Variants in ZNF676 observed in about 807,000 individuals in gnomAD.
ZNF676 encodes the protein zinc finger protein 676.
ZNF676 carries 4 observed loss-of-function variants against 6.0 expected under a neutral mutation model. That is an observed-to-expected ratio of 0.67 (90% confidence interval 0.33 to 1.53). The LOEUF (loss-of-function observed/expected upper bound fraction) is 1.53, where lower values mean the gene tolerates loss of function less well. Ranked by LOEUF, ZNF676 falls within the 40% of genes most tolerant of loss-of-function variation. The pLI is 0.06. For missense variants in ZNF676, 644 were observed against 679.7 expected, an observed-to-expected ratio of 0.95 and a Z score of 0.58; for synonymous variants, 198 against 223.1, an observed-to-expected ratio of 0.89 and a Z score of 1.00.
At chr19:22,197,018 T>C (rs1034321152), upstream of ZNF676, 1 of 302,116 alleles carries the variant, frequency 3.3e-6, no homozygotes, top group Non-Finnish European at 6.2e-6. Flanking sequence ...TTGAGTGCTA[T>C]ATTTACATCA....
At chr19:22,202,773 C>T (rs1350043721) in intron 1 of ZNF676, among the ~76,000 whole-genome samples, 1 of 152,166 alleles carries the variant, frequency 6.6e-6, no homozygotes, top group Non-Finnish European at 1.5e-5. Context: ...GCTGGGAAGG[C>T]CATCCCTGTA....
chr19:22,236,495 C>T, the ZNF676 span, among the ~76,000 whole-genome samples: 3 of 152,272 alleles, frequency 2.0e-5, no homozygotes, highest in African/African-American at 7.2e-5. Flanking sequence ...ATTTCCCTTT[C>T]CCCAATGCAC....
the ZNF676 span, among the ~76,000 whole-genome samples, chr19:22,232,231 G>A: frequency 6.6e-6 from 1 of 151,546 alleles, no homozygotes; most frequent in African/African-American, 2.4e-5. Context: ...GCAGTGGTGT[G>A]ATCTTGGCTC....
the ZNF676 span, among the ~76,000 whole-genome samples, chr19:22,256,790 C>T: frequency 1.4e-4 from 22 of 152,192 alleles, no homozygotes; most frequent in African/African-American, 5.1e-4. Context: ...AGAAGAGGCA[C>T]ATCACCTAGG....
At chr19:22,212,862 G>C (rs147842929) in intron 1 of ZNF676, among the ~76,000 whole-genome samples, 15 of 152,040 alleles carry the variant, frequency 9.9e-5, no homozygotes, top group African/African-American at 3.4e-4. Context: ...AGGCATGTGG[G>C]TGCACGCCTG....
chr19:22,212,385 A>C (rs1469083013), intron 1 of ZNF676, among the ~76,000 whole-genome samples: 1 of 151,820 alleles, frequency 6.6e-6, no homozygotes, highest in Non-Finnish European at 1.5e-5. Flanking sequence ...AGCCCTACTA[A>C]TAAGATGCAA....
At chr19:22,245,750 C>T in the ZNF676 span, among the ~76,000 whole-genome samples, 1 of 152,136 alleles carries the variant, frequency 6.6e-6, no homozygotes, top group African/African-American at 2.4e-5. Flanking sequence ...CTCCTGTGGG[C>T]AGAGTCCATT....
At chr19:22,243,515 G>A in the ZNF676 span, 1 of 152,016 alleles carries the variant, frequency 6.6e-6, no homozygotes, top group East Asian at 1.9e-4. Flanking sequence ...AGGCCAGAGA[G>A]TTACATCACC....
the ZNF676 span, among the ~76,000 whole-genome samples, chr19:22,251,951 T>C: frequency 6.6e-6 from 1 of 152,218 alleles, no homozygotes; most frequent in Non-Finnish European, 1.5e-5. Flanking sequence ...TTATTTTACT[T>C]TACTGTTGTG....
At chr19:22,182,593 A>AAAAAAC (rs1555773386) in intron 2 of ZNF676, among the ~76,000 whole-genome samples, 1 of 90,930 alleles carries the variant, frequency 1.1e-5, no homozygotes, top group African/African-American at 4.5e-5. Flanking sequence ...TCTAAAAAAA[A>AAAAAAC]AAAAAAAAAG....
upstream of ZNF676, among the ~76,000 whole-genome samples, chr19:22,216,176 T>C (rs1247843701): frequency 6.6e-6 from 1 of 152,254 alleles, no homozygotes; most frequent in Non-Finnish European, 1.5e-5. Flanking sequence ...GGCTTACGCC[T>C]TTAATCCCAT....
chr19:22,205,616 A>G (rs1217814870), intron 1 of ZNF676, among the ~76,000 whole-genome samples: 1 of 152,186 alleles, frequency 6.6e-6, no homozygotes, highest in Non-Finnish European at 1.5e-5. Flanking sequence ...ACAAATAAGA[A>G]CAAAAATACA....
chr19:22,206,056 A>AACACAC (rs71180523), intron 1 of ZNF676, among the ~76,000 whole-genome samples: 73 of 146,668 alleles, frequency 5.0e-4, no homozygotes, highest in East Asian at 1.8e-3. Flanking sequence ...CCCAAAACTC[A>AACACAC]ACACACACAC....
At chr19:22,213,474 A>G (rs1326229393) in intron 1 of ZNF676, among the ~76,000 whole-genome samples, 5 of 152,194 alleles carry the variant, frequency 3.3e-5, no homozygotes, top group African/African-American at 1.2e-4. Flanking sequence ...AAAACAGGGC[A>G]CCAGTAGATG....
At chr19:22,246,255 T>A in the ZNF676 span, among the ~76,000 whole-genome samples, 88 of 152,242 alleles carry the variant, frequency 5.8e-4, no homozygotes, top group East Asian at 2.1e-3. Flanking sequence ...TTAGACCCAG[T>A]TATTTGTCAC....
At chr19:22,248,372 A>G in the ZNF676 span, among the ~76,000 whole-genome samples, 2 of 152,358 alleles carry the variant, frequency 1.3e-5, no homozygotes, top group East Asian at 1.9e-4. Flanking sequence ...ACAGTGTAAA[A>G]GTGTTCCTAT....
intron 1 of ZNF676, among the ~76,000 whole-genome samples, chr19:22,195,783 A>C (rs571577890): frequency 6.7e-4 from 102 of 152,296 alleles, no homozygotes; most frequent in Admixed American, 7.8e-4. Context: ...TATCCATGGG[A>C]CCTTGTGAAA....
upstream of ZNF676, among the ~76,000 whole-genome samples, chr19:22,197,403 T>C (rs761173567): frequency 6.6e-6 from 1 of 152,034 alleles, no homozygotes; most frequent in South Asian, 2.1e-4. Context: ...AATAGACATG[T>C]TGAGTTAGAA....
the ZNF676 span, among the ~76,000 whole-genome samples, chr19:22,238,030 A>G: frequency 1.3e-5 from 2 of 152,208 alleles, no homozygotes; most frequent in African/African-American, 4.8e-5. Context: ...TTCTGAAGCC[A>G]AAAGATAGAA....
Sources: gnomAD v4.1 joint callset for allele counts (sites outside exome capture counted in the v4.1 genomes callset) on GRCh38, gnomAD v4.1.1 for gene constraint, MANE v1.5 for transcripts, NCBI Gene and HGNC (gene_info 2026-07-23, HGNC 2026-07-21) for gene names.